Variants in SOX5 observed in about 807,000 individuals in gnomAD.
SOX5 encodes the protein SRY-box transcription factor 5.
In SOX5, 9 loss-of-function variants were observed where a neutral mutation model predicts 92.0. The observed-to-expected ratio is 0.10, with a 90% CI of 0.06 to 0.17. SOX5 has a LOEUF of 0.17. SOX5 is among the 10% of genes least tolerant of loss of function. The pLI is 1.00. For synonymous variants in SOX5, 344 were observed against 336.3 expected (o/e 1.02, Z -0.25); for missense variants, 642 against 944.5 (o/e 0.68, Z 4.20).
chr12:24,060,729 T>C (rs992597830), intron 4 of SOX5, among the ~76,000 whole-genome samples: 6 of 152,200 alleles, frequency 3.9e-5, no homozygotes, highest in Non-Finnish European at 8.8e-5. Context: ...GGGTTCTCTA[T>C]GCGGGACTTC....
intron 2 of SOX5, among the ~76,000 whole-genome samples, chr12:24,326,115 A>G (rs1950654255): frequency 6.6e-6 from 1 of 152,204 alleles, no homozygotes; most frequent in Non-Finnish European, 1.5e-5. Context: ...TGAGAACAAA[A>G]TAACTTCTGT....
chr12:24,156,874 T>C (rs1000619380), intron 4 of SOX5, among the ~76,000 whole-genome samples: 4 of 152,250 alleles, frequency 2.6e-5, no homozygotes, highest in Middle Eastern at 6.8e-3. Context: ...TGTCTTTTGG[T>C]AAATAATGGT....
At chr12:23,918,930 A>C (rs559655996) in intron 1 of SOX5, among the ~76,000 whole-genome samples, 1 of 151,846 alleles carries the variant, frequency 6.6e-6, no homozygotes, top group Admixed American at 6.5e-5. Flanking sequence ...AAAAAGAAAA[A>C]AAAAGAAAGA....
chr12:23,808,425 T>C (rs1003889100), intron 3 of SOX5, among the ~76,000 whole-genome samples: 4 of 152,180 alleles, frequency 2.6e-5, no homozygotes, highest in African/African-American at 4.8e-5. Context: ...TTGACTTTTA[T>C]TAGCATCACT....
At chr12:23,943,068 T>C (rs1291096358) in intron 1 of SOX5, among the ~76,000 whole-genome samples, 1 of 152,050 alleles carries the variant, frequency 6.6e-6, no homozygotes, top group Non-Finnish European at 1.5e-5. Flanking sequence ...AAATTATTTT[T>C]GTCCCTGAAG....
intron 4 of SOX5, among the ~76,000 whole-genome samples, chr12:23,754,191 G>A (rs2094286496): frequency 6.6e-6 from 1 of 151,708 alleles, no homozygotes; most frequent in Admixed American, 6.6e-5. Context: ...TTTTAAGTTT[G>A]ACTTGTGAAG....
upstream of SOX5, among the ~76,000 whole-genome samples, chr12:23,955,296 A>G (rs1188183776): frequency 6.6e-6 from 1 of 152,136 alleles, no homozygotes; most frequent in Non-Finnish European, 1.5e-5. Flanking sequence ...CACAAATAAC[A>G]TAAAAGATAG....
chr12:23,971,119 GAC>G, intron 4 of SOX5, among the ~76,000 whole-genome samples: 1 of 19,536 alleles, frequency 5.1e-5, no homozygotes, highest in Admixed American at 9.3e-4. Flanking sequence ...TGTGTCAGCT[GAC>G]TTTTTTTTTT....
chr12:23,810,102 C>G (rs2095851289), intron 3 of SOX5, among the ~76,000 whole-genome samples: 1 of 152,078 alleles, frequency 6.6e-6, no homozygotes. Flanking sequence ...TCTGGAAACA[C>G]AGAAGCTATC....
intron 7 of SOX5, among the ~76,000 whole-genome samples, chr12:23,654,838 T>A (rs2082114612): frequency 6.6e-6 from 1 of 152,132 alleles, no homozygotes; most frequent in South Asian, 2.1e-4. Context: ...ATATTTCATA[T>A]ACATTTTATT....
chr12:23,859,803 C>T (rs550538163), intron 2 of SOX5, among the ~76,000 whole-genome samples: 12 of 152,000 alleles, frequency 7.9e-5, no homozygotes, highest in East Asian at 1.9e-4. Flanking sequence ...TTTCTCAGAC[C>T]GGCCGACACT....
intron 3 of SOX5, among the ~76,000 whole-genome samples, chr12:23,769,905 A>G (rs1269590598): frequency 3.9e-5 from 6 of 152,102 alleles, no homozygotes; most frequent in Non-Finnish European, 8.8e-5. Flanking sequence ...TTTTTATAAT[A>G]CCACCTTCTT....
intron 1 of SOX5, among the ~76,000 whole-genome samples, chr12:24,374,841 G>A (rs1448922736): frequency 1.3e-5 from 2 of 152,330 alleles, no homozygotes; most frequent in African/African-American, 4.8e-5. Flanking sequence ...TTCTTTAGTT[G>A]GGACAGAGGC....
chr12:23,785,033 G>T (rs931053602), intron 3 of SOX5, among the ~76,000 whole-genome samples: 2 of 152,216 alleles, frequency 1.3e-5, no homozygotes, highest in East Asian at 3.9e-4. Flanking sequence ...AGGGAGCCAT[G>T]ATTGTGCCAC....
At chr12:24,471,338 A>T (rs10431257) in intron 1 of SOX5, among the ~76,000 whole-genome samples, 53,803 of 151,992 alleles carry the variant, frequency 0.35, 9,587 homozygotes, top group Middle Eastern at 0.4. Context: ...GAAATTTATT[A>T]TTGTCTAAAT....
At chr12:24,426,136 G>C (rs1966723437) in intron 1 of SOX5, among the ~76,000 whole-genome samples, 1 of 152,106 alleles carries the variant, frequency 6.6e-6, no homozygotes, top group South Asian at 2.1e-4. Context: ...GGAGGCAGAG[G>C]TTGCAGTGAG....
intron 4 of SOX5, among the ~76,000 whole-genome samples, chr12:24,207,470 T>C (rs760207452): frequency 6.6e-6 from 1 of 152,102 alleles, no homozygotes; most frequent in African/African-American, 2.4e-5. Context: ...AATGAATAAA[T>C]GAATGAATAC....
At chr12:24,179,085 T>C (rs184989557) in intron 4 of SOX5, among the ~76,000 whole-genome samples, 1 of 152,242 alleles carries the variant, frequency 6.6e-6, no homozygotes, top group Non-Finnish European at 1.5e-5. Flanking sequence ...TACCTCTAAT[T>C]AGATATCTCA....
At chr12:24,227,816 G>T (rs1384088974) in intron 3 of SOX5, 1 of 152,170 alleles carries the variant, frequency 6.6e-6, no homozygotes, top group Non-Finnish European at 1.5e-5. Context: ...TCCTTTTTAA[G>T]AAGTAGGTAT....
Sources: gnomAD v4.1 joint callset for allele counts (sites outside exome capture counted in the v4.1 genomes callset) on GRCh38, gnomAD v4.1.1 for gene constraint, MANE v1.5 for transcripts, NCBI Gene and HGNC (gene_info 2026-07-23, HGNC 2026-07-21) for gene names.